Variants in BLTP3A observed in about 807,000 individuals in gnomAD.
The protein encoded by BLTP3A is bridge-like lipid transfer protein family member 3A, also known as ICBP90 binding protein 1.
chr6:34,827,477 TA>T, the BLTP3A span, among the ~76,000 whole-genome samples: 1 of 152,170 alleles, frequency 6.6e-6, no homozygotes, highest in Non-Finnish European at 1.5e-5. Context: ...AACAGTAACA[TA>T]AATGATTTAC....
the BLTP3A span, among the ~76,000 whole-genome samples, chr6:34,794,406 C>T: frequency 1.3e-5 from 2 of 152,196 alleles, no homozygotes; most frequent in Non-Finnish European, 2.9e-5. Context: ...GCCTAACATA[C>T]ACTATGTGCT....
the BLTP3A span, chr6:34,835,477 A>G: frequency 3.7e-6 from 6 of 1,612,704 alleles, no homozygotes; most frequent in African/African-American, 2.7e-5. Context: ...TAGAGATAAA[A>G]CAGACACCCT....
At chr6:34,817,029 G>A in the BLTP3A span, among the ~76,000 whole-genome samples, 6 of 152,110 alleles carry the variant, frequency 3.9e-5, no homozygotes, top group Non-Finnish European at 7.4e-5. Flanking sequence ...GAATTTGCCC[G>A]TGCCTAGTGA....
chr6:34,855,552 C>A, the BLTP3A span: 1 of 1,582,760 alleles, frequency 6.3e-7, no homozygotes, highest in Non-Finnish European at 8.7e-7. Context: ...CTTCTGCATG[C>A]TTTAGGTGGT....
At chr6:34,792,126 T>TGGCGGCGGCGGCGGC in the BLTP3A span, 2,758 of 709,730 alleles carry the variant, frequency 3.9e-3, 58 homozygotes, top group African/African-American at 0.041. Context: ...GAAAGCGCCA[T>TGGCGGCGGCGGCGGC]GGCGGCGGCG....
the BLTP3A span, among the ~76,000 whole-genome samples, chr6:34,796,795 C>G: frequency 2.0e-3 from 310 of 152,334 alleles, 2 homozygotes; most frequent in African/African-American, 6.2e-3. Context: ...CCTCTGCCCC[C>G]CCGAGTTCAA....
At chr6:34,816,136 AAC>A in the BLTP3A span, among the ~76,000 whole-genome samples, 1 of 152,222 alleles carries the variant, frequency 6.6e-6, no homozygotes, top group Non-Finnish European at 1.5e-5. Context: ...TTTTGCAAAG[AAC>A]ACAACGTAGA....
the BLTP3A span, chr6:34,855,672 G>A: frequency 6.2e-7 from 1 of 1,613,826 alleles, no homozygotes; most frequent in East Asian, 2.2e-5. Context: ...TCCGCAAGAT[G>A]GCGTTTGACT....
chr6:34,824,072 G>A, the BLTP3A span, among the ~76,000 whole-genome samples: 1 of 151,604 alleles, frequency 6.6e-6, no homozygotes, highest in African/African-American at 2.4e-5. Context: ...CTCCCAAGTA[G>A]CTGGGACCAC....
At chr6:34,817,997 T>G in the BLTP3A span, among the ~76,000 whole-genome samples, 2 of 151,898 alleles carry the variant, frequency 1.3e-5, no homozygotes, top group African/African-American at 2.4e-5. Context: ...GGGACTACAG[T>G]CATGCGCCAC....
chr6:34,797,493 G>A, the BLTP3A span, among the ~76,000 whole-genome samples: 12 of 152,344 alleles, frequency 7.9e-5, no homozygotes, highest in African/African-American at 2.9e-4. Context: ...GATAGTAGGA[G>A]TTCCAGGCTC....
At chr6:34,804,899 G>A in the BLTP3A span, among the ~76,000 whole-genome samples, 1 of 152,094 alleles carries the variant, frequency 6.6e-6, no homozygotes, top group East Asian at 1.9e-4. Context: ...CTATGACCTG[G>A]GCAAGTTATT....
At chr6:34,857,212 C>A in the BLTP3A span, 1 of 1,262,228 alleles carries the variant, frequency 7.9e-7, no homozygotes, top group Non-Finnish European at 1.1e-6. Context: ...GTGAAAGACA[C>A]TGTGTTCCCT....
At chr6:34,870,738 C>G in the BLTP3A span, 1 of 1,346,302 alleles carries the variant, frequency 7.4e-7, no homozygotes, top group Non-Finnish European at 1.0e-6. Flanking sequence ...TTCGTTCAGT[C>G]AGATGAGAAT....
the BLTP3A span, among the ~76,000 whole-genome samples, chr6:34,833,961 G>A: frequency 1.4e-5 from 2 of 145,658 alleles, no homozygotes; most frequent in Admixed American, 6.9e-5. Context: ...CTGCAGCCAA[G>A]CACAGTGGCT....
the BLTP3A span, chr6:34,835,575 T>C: frequency 8.1e-7 from 1 of 1,232,210 alleles, no homozygotes; most frequent in East Asian, 2.5e-5. Flanking sequence ...TGTCATTTAC[T>C]TCTGGGTATT....
At chr6:34,859,231 C>T in the BLTP3A span, 1 of 1,614,080 alleles carries the variant, frequency 6.2e-7, no homozygotes, top group Non-Finnish European at 8.5e-7. Context: ...GGACTCAGGT[C>T]CACTTGCCCA....
chr6:34,817,507 T>G, the BLTP3A span, among the ~76,000 whole-genome samples: 1 of 152,200 alleles, frequency 6.6e-6, no homozygotes, highest in African/African-American at 2.4e-5. Flanking sequence ...ACAAGACTTC[T>G]GGATCAGAGA....
At chr6:34,832,764 A>G in the BLTP3A span, among the ~76,000 whole-genome samples, 1 of 151,992 alleles carries the variant, frequency 6.6e-6, no homozygotes, top group African/African-American at 2.4e-5. Flanking sequence ...TATGTTTAAT[A>G]TCTATTTGCA....
Sources: gnomAD v4.1 joint callset for allele counts (sites outside exome capture counted in the v4.1 genomes callset) on GRCh38, gnomAD v4.1.1 for gene constraint, MANE v1.5 for transcripts, NCBI Gene and HGNC (gene_info 2026-07-23, HGNC 2026-07-21) for gene names.